The following TM4SF5 variants were observed in gnomAD, a reference collection of about 807,000 sequenced individuals.
TM4SF5 encodes the protein transmembrane 4 L6 family member 5.
In TM4SF5, 16 loss-of-function variants were observed where a neutral mutation model predicts 22.3. The ratio of observed to expected loss-of-function variants is 0.72; its 90% CI spans 0.49 to 1.09. The LOEUF (loss-of-function observed/expected upper bound fraction) is 1.09, where lower values mean the gene tolerates loss of function less well. Ranked by LOEUF, TM4SF5 falls within the 50% of genes least tolerant of loss-of-function variation. The probability of loss-of-function intolerance (pLI) is 0.00; values close to 1 mark genes in which losing one functional copy is unlikely to be tolerated. For synonymous variants in TM4SF5, 113 were observed against 109.6 expected, an observed-to-expected ratio of 1.03 and a Z score of -0.19; for missense variants, 249 against 266.1, an observed-to-expected ratio of 0.94 and a Z score of 0.45.
chr17:4,779,581 G>C (rs770826749), intron 1 of TM4SF5, among the ~76,000 whole-genome samples: 3 of 152,194 alleles, frequency 2.0e-5, no homozygotes, highest in South Asian at 2.1e-4. Flanking sequence ...GGAACTCACA[G>C]ATTCAGGAGC....
Position 4,783,066 on chromosome 17 carries a change from G to A in TM4SF5, c.579+29G>A, listed in dbSNP as rs761793994. On this transcript the variant is annotated intron_variant, in intron 4 of 4. Transcript: ENST00000270560. ...AAATTTCTTGCGGTGGAGTTGTAGA[G>A]GGAACCTGCCTGGTCCTGGCTGCGT... is the stretch of plus-strand genomic sequence containing the variant. The A allele has an allele frequency of 1.4e-5, 22 of 1,614,112 alleles. No homozygotes were observed. In the South Asian group the frequency reaches 2.3e-4, roughly 17 times the overall value.
intron 1 of TM4SF5, among the ~76,000 whole-genome samples, chr17:4,780,439 T>C (rs1917281102): frequency 6.6e-6 from 1 of 152,112 alleles, no homozygotes; most frequent in Non-Finnish European, 1.5e-5. Context: ...CCAGACCCAT[T>C]TTATACAGGC....
chr17:4,780,333 G>T (rs1365802847), intron 1 of TM4SF5, among the ~76,000 whole-genome samples: 2 of 152,084 alleles, frequency 1.3e-5, no homozygotes, highest in African/African-American at 4.8e-5. Flanking sequence ...GGGATTTCAG[G>T]CGTGAACCAC....
At chr17:4,776,830 G>T (rs566024874) in intron 1 of TM4SF5, among the ~76,000 whole-genome samples, 1 of 152,248 alleles carries the variant, frequency 6.6e-6, no homozygotes, top group African/African-American at 2.4e-5. Context: ...TGCTCCACAC[G>T]CCACTGGAAT....
intron 1 of TM4SF5, among the ~76,000 whole-genome samples, chr17:4,774,629 C>A (rs895607210): frequency 9.9e-5 from 15 of 152,120 alleles, no homozygotes; most frequent in Non-Finnish European, 2.1e-4. Flanking sequence ...TACCATCGGC[C>A]GGGCGCAGTG....
At chr17:4,782,830 C>A in intron 3 of TM4SF5, 24 bp from the exon 4 acceptor site, 1 of 1,602,678 alleles carries the variant, frequency 6.2e-7, no homozygotes, top group South Asian at 1.1e-5. Context: ...TGCCTTCTCC[C>A]ACGTGGCCTC....
chr17:4,775,636 C>A (rs1370075831), intron 1 of TM4SF5, among the ~76,000 whole-genome samples: 1 of 151,876 alleles, frequency 6.6e-6, no homozygotes, highest in Non-Finnish European at 1.5e-5. Flanking sequence ...AGACAAGTAC[C>A]CAGATCCTTA....
intron 1 of TM4SF5, among the ~76,000 whole-genome samples, chr17:4,779,733 G>A (rs1917266325): frequency 6.6e-6 from 1 of 152,206 alleles, no homozygotes; most frequent in East Asian, 1.9e-4. Flanking sequence ...GGAATATTGT[G>A]AGATGAGCGT....
intron 1 of TM4SF5, among the ~76,000 whole-genome samples, chr17:4,775,312 G>T (rs1295246731): frequency 6.6e-6 from 1 of 151,028 alleles, no homozygotes; most frequent in African/African-American, 2.4e-5. Context: ...GGGCTGCAGT[G>T]CAGTGGTGCG....
intron 1 of TM4SF5, among the ~76,000 whole-genome samples, chr17:4,774,319 C>T (rs1353249808): frequency 3.3e-5 from 5 of 152,174 alleles, no homozygotes; most frequent in South Asian, 2.1e-4. Flanking sequence ...ACCAGTCTCA[C>T]GGAAGCAAGG....
chr17:4,772,518 C>T (rs1410510437), intron 1 of TM4SF5, among the ~76,000 whole-genome samples: 5 of 152,118 alleles, frequency 3.3e-5, no homozygotes, highest in Non-Finnish European at 7.4e-5. Flanking sequence ...ACTGCCCTCA[C>T]GGATCAGTCA....
At chr17:4,775,861 C>G (rs1388403480) in intron 1 of TM4SF5, among the ~76,000 whole-genome samples, 1 of 151,780 alleles carries the variant, frequency 6.6e-6, no homozygotes, top group East Asian at 1.9e-4. Flanking sequence ...ATGTGTCTGG[C>G]TTTTTTTTGA....
At chr17:4,772,226 G>A in intron 1 of TM4SF5, 127 bp downstream of exon 1, 6 of 1,178,736 alleles carry the variant, frequency 5.1e-6, no homozygotes, top group Non-Finnish European at 7.2e-6. Context: ...GCTTCGTGGG[G>A]GCTAGCAGCC....
intron 1 of TM4SF5, among the ~76,000 whole-genome samples, chr17:4,778,885 G>A (rs754306784): frequency 7.9e-5 from 12 of 151,620 alleles, no homozygotes; most frequent in South Asian, 4.2e-4. Flanking sequence ...ATGAAACCCC[G>A]TCTCTACTAA....
At chr17:4,776,701 G>A (rs1438072952) in intron 1 of TM4SF5, among the ~76,000 whole-genome samples, 2 of 152,184 alleles carry the variant, frequency 1.3e-5, no homozygotes, top group Non-Finnish European at 2.9e-5. Flanking sequence ...GTACAAATAC[G>A]TGTGCATTTC....
At chr17:4,781,422 A>G (rs8070656) in intron 2 of TM4SF5, among the ~76,000 whole-genome samples, 97,063 of 151,642 alleles carry the variant, frequency 0.64, 31,160 homozygotes, top group South Asian at 0.81. Context: ...GCAGGAGATT[A>G]CGGTGAGCCA....
chr17:4,780,216 C>T (rs766675264), intron 1 of TM4SF5, among the ~76,000 whole-genome samples: 27 of 152,112 alleles, frequency 1.8e-4, no homozygotes, highest in Non-Finnish European at 2.9e-4. Flanking sequence ...CCACCACGCC[C>T]GGCTAATTTT....
intron 1 of TM4SF5, among the ~76,000 whole-genome samples, chr17:4,772,633 G>A (rs1029179912): frequency 3.9e-5 from 6 of 152,140 alleles, no homozygotes; most frequent in African/African-American, 1.4e-4. Flanking sequence ...GTATGGCAGG[G>A]AGGATGCCCT....
chr17:4,781,548 G>C (rs1372263275), intron 2 of TM4SF5, among the ~76,000 whole-genome samples: 1 of 151,828 alleles, frequency 6.6e-6, no homozygotes, highest in African/African-American at 2.4e-5. Context: ...CATAGTCTTG[G>C]TCTGTCACCC....
Sources: allele counts gnomAD v4.1 joint callset (sites outside exome capture counted in the v4.1 genomes callset), GRCh38; gene constraint gnomAD v4.1.1; transcripts MANE v1.5; gene names NCBI Gene and HGNC (gene_info 2026-07-23, HGNC 2026-07-21).